The following ARHGAP31 variants were observed in gnomAD, a reference collection of about 807,000 sequenced individuals.
ARHGAP31 encodes Rho GTPase activating protein 31, also known as rho GTPase-activating protein 31.
A neutral mutation model predicts 113.9 loss-of-function variants in ARHGAP31; 34 were observed. That is an observed-to-expected ratio of 0.30 (90% CI 0.23 to 0.40). The LOEUF (loss-of-function observed/expected upper bound fraction) is 0.40, where lower values mean the gene tolerates loss of function less well. Among genes scored for constraint, ARHGAP31 ranks in the 10% least tolerant of loss-of-function variants. The probability of loss-of-function intolerance (pLI) is 1.00; values close to 1 mark genes in which losing one functional copy is unlikely to be tolerated. For synonymous variants in ARHGAP31, 650 were observed against 684.8 expected (o/e 0.95, Z 0.79); for missense variants, 1,548 against 1,767.1 (o/e 0.88, Z 2.22).
chr3:119,397,896 GTAC>G (rs1470002275), intron 8 of ARHGAP31, among the ~76,000 whole-genome samples: 1 of 152,092 alleles, frequency 6.6e-6, no homozygotes, highest in Non-Finnish European at 1.5e-5. Context: ...TTTTTAATGG[GTAC>G]TTACTCTATT....
intron 8 of ARHGAP31, among the ~76,000 whole-genome samples, chr3:119,393,968 G>T (rs759038055): frequency 6.6e-6 from 1 of 152,180 alleles, no homozygotes; most frequent in Admixed American, 6.5e-5. Flanking sequence ...ACATTTGGTT[G>T]TCATGTTTCC....
In ARHGAP31 at chr3:119,415,826, C is replaced by T; in HGVS notation, c.3897C>T (p.Ser1299=). The stretch of plus-strand genomic sequence containing the variant: ...AACCAGGCTCGTCTAACCTGCTCTC[C>T]ACCCAGGATGCAGTAGTGCAATGCA... ...SPEPGSSNLL[S]TQDAVVQCRK... is the part of the protein sequence containing the mutation. The change falls in exon 12 of 12, where the codon TCC becomes TCT. Residue 1299 remains serine, a synonymous_variant. Coordinates refer to ENST00000264245, the MANE Select transcript of ARHGAP31 (RefSeq NM_020754.4). The T allele has an allele frequency of 6.2e-7, 1 of 1,614,252 alleles. No individual in the cohort carries two copies. Among genetic ancestry groups the T allele is most frequent in the Non-Finnish European group, 8.5e-7 (1 of 1,180,050 alleles).
intron 10 of ARHGAP31, among the ~76,000 whole-genome samples, chr3:119,408,048 ACCT>A (rs2080681557): frequency 6.6e-5 from 10 of 152,144 alleles, no homozygotes; most frequent in African/African-American, 2.4e-4. Flanking sequence ...GAGATAAGCA[ACCT>A]AGAGATAAGC....
chr3:119,357,580 A>G (rs868840671), intron 1 of ARHGAP31, among the ~76,000 whole-genome samples: 5 of 152,366 alleles, frequency 3.3e-5, no homozygotes, highest in African/African-American at 4.8e-5. Context: ...AAACAGAACT[A>G]AAGCCCATTC....
chr3:119,328,312 G>C (rs1298783971), intron 1 of ARHGAP31, among the ~76,000 whole-genome samples: 1 of 152,162 alleles, frequency 6.6e-6, no homozygotes, highest in Non-Finnish European at 1.5e-5. Flanking sequence ...TGTGGAATTT[G>C]GGGTTGGAAG....
intron 1 of ARHGAP31, among the ~76,000 whole-genome samples, chr3:119,315,227 A>G (rs2079719247): frequency 6.6e-6 from 1 of 152,258 alleles, no homozygotes; most frequent in African/African-American, 2.4e-5. Context: ...TAATGTTTAT[A>G]GTTTGAAAAA....
chr3:119,402,762 G>A (rs2080624101), intron 10 of ARHGAP31, among the ~76,000 whole-genome samples: 1 of 152,176 alleles, frequency 6.6e-6, no homozygotes, highest in Non-Finnish European at 1.5e-5. Flanking sequence ...TGAGAAGGCA[G>A]GAGAAAAACT....
intron 1 of ARHGAP31, chr3:119,314,603 T>C (rs1336323617): frequency 6.6e-6 from 1 of 152,508 alleles, no homozygotes; most frequent in Non-Finnish European, 1.5e-5. Context: ...GTATAAGTGT[T>C]TTGCACATAT....
chr3:119,315,679 A>G (rs2079723605), intron 1 of ARHGAP31, among the ~76,000 whole-genome samples: 1 of 152,210 alleles, frequency 6.6e-6, no homozygotes, highest in Non-Finnish European at 1.5e-5. Flanking sequence ...GTGCATACTC[A>G]CATCTCTGAT....
chr3:119,329,281 T>TCAGCTCAAG (rs1393603206), intron 1 of ARHGAP31, among the ~76,000 whole-genome samples: 2 of 152,204 alleles, frequency 1.3e-5, no homozygotes, highest in Non-Finnish European at 1.5e-5. Flanking sequence ...TTGAGCCACA[T>TCAGCTCAAG]ATCAATATAG....
chr3:119,362,714 G>A (rs2107621490), intron 1 of ARHGAP31, among the ~76,000 whole-genome samples: 1 of 149,912 alleles, frequency 6.7e-6, no homozygotes, highest in Non-Finnish European at 1.5e-5. Flanking sequence ...GTTGCAGTGA[G>A]CCAAGATCAC....
In ARHGAP31 at chr3:119,416,348, A is replaced by T; in HGVS notation, c.*84A>T. On this transcript the variant is annotated 3_prime_UTR_variant, in exon 12 of 12. Coordinates refer to ENST00000264245, the MANE Select transcript of ARHGAP31 (RefSeq NM_020754.4). The stretch of plus-strand genomic sequence containing the variant: ...GGCCAGCTTGCCATATTCCAGGCAC[A>T]CGTTATCAAGTTTGGGCCTATTGTG... 1.9e-6 allele frequency: 3 copies of T among 1,591,560 alleles called. No individual in the cohort carries two copies. The East Asian group carries it at 6.7e-5, about 36-fold the overall frequency.
At chr3:119,377,513 A>G (rs555080478) in intron 3 of ARHGAP31, among the ~76,000 whole-genome samples, 1 of 152,288 alleles carries the variant, frequency 6.6e-6, no homozygotes, top group African/African-American at 2.4e-5. Flanking sequence ...GGACACGCTG[A>G]GCTTGCTTAG....
intron 6 of ARHGAP31, among the ~76,000 whole-genome samples, chr3:119,385,940 T>A (rs1267599700): frequency 6.6e-6 from 1 of 152,248 alleles, no homozygotes; most frequent in Non-Finnish European, 1.5e-5. Flanking sequence ...CATCCATGAC[T>A]GTTAATGTTA....
Position 119,416,129 on chromosome 3 carries a change from A to C in ARHGAP31, c.4200A>C (p.Pro1400=). 1 of 1,614,212 alleles carries C rather than the reference A, an allele frequency of 6.2e-7. No individual in the cohort carries two copies. Among genetic ancestry groups the C allele is most frequent in the Non-Finnish European group, 8.5e-7 (1 of 1,180,036 alleles). Residue 1400 remains proline (P), a synonymous_variant, in exon 12 of 12, where the codon CCA becomes CCC. Transcript: ENST00000264245. ...TGGCAGAAAACACATGGGTCACACC[A>C]GAAGGGGTTACACTTAGGAATAAAA... is the stretch of plus-strand genomic sequence containing the variant. ...GELAENTWVT[P]EGVTLRNKMT... is the part of the protein sequence containing the mutation.
At chr3:119,361,202 A>T (rs1412579412) in intron 1 of ARHGAP31, among the ~76,000 whole-genome samples, 2 of 152,162 alleles carry the variant, frequency 1.3e-5, no homozygotes, top group Non-Finnish European at 2.9e-5. Flanking sequence ...TGAGCTGCAG[A>T]TTAGCAGTAC....
intron 1 of ARHGAP31, among the ~76,000 whole-genome samples, chr3:119,358,169 C>A (rs1359195207): frequency 6.6e-6 from 1 of 152,048 alleles, no homozygotes; most frequent in African/African-American, 2.4e-5. Flanking sequence ...CATAACCCAG[C>A]AAAGACCACC....
intron 10 of ARHGAP31, among the ~76,000 whole-genome samples, chr3:119,406,805 C>T (rs765278368): frequency 5.9e-5 from 9 of 152,164 alleles, no homozygotes; most frequent in Non-Finnish European, 1.2e-4. Context: ...AAATGACACA[C>T]CTTCTCATTG....
At chr3:119,335,090 A>AAG (rs1255828323) in intron 1 of ARHGAP31, among the ~76,000 whole-genome samples, 2 of 152,114 alleles carry the variant, frequency 1.3e-5, no homozygotes, top group African/African-American at 4.8e-5. Flanking sequence ...GGGAAAAAAA[A>AAG]AAGATCTAAA....
Sources: allele counts gnomAD v4.1 joint callset (sites outside exome capture counted in the v4.1 genomes callset), GRCh38; gene constraint gnomAD v4.1.1; transcripts MANE v1.5; gene names NCBI Gene and HGNC (gene_info 2026-07-23, HGNC 2026-07-21).